The following RBFOX1 variants were observed in gnomAD, a reference collection of about 807,000 sequenced individuals.
RBFOX1 encodes the protein RNA binding protein fox-1 homolog 1.
A neutral mutation model predicts 57.7 loss-of-function variants in RBFOX1; 8 were observed. That is an observed-to-expected ratio of 0.14 (90% CI 0.08 to 0.25). The LOEUF (loss-of-function observed/expected upper bound fraction) is 0.25. Among genes scored for constraint, RBFOX1 ranks in the 10% least tolerant of loss-of-function variants. The probability of loss-of-function intolerance (pLI) is 1.00; values close to 1 mark genes in which losing one functional copy is unlikely to be tolerated. For missense variants in RBFOX1, 611 were observed against 548.5 expected (o/e 1.11, Z -1.14); for synonymous variants, 326 against 222.4 (o/e 1.47, Z -4.15).
chr16:5,893,714 A>G (rs1265055968), intron 4 of RBFOX1, among the ~76,000 whole-genome samples: 3 of 151,954 alleles, frequency 2.0e-5, no homozygotes, highest in African/African-American at 7.3e-5. Context: ...GCTGAGACAT[A>G]AGAATTGCTT....
intron 3 of RBFOX1, among the ~76,000 whole-genome samples, chr16:6,824,426 T>C (rs1055474931): frequency 6.6e-6 from 1 of 152,218 alleles, no homozygotes; most frequent in African/African-American, 2.4e-5. Flanking sequence ...TAAACAGTTA[T>C]CTTACTGTCA....
intron 2 of RBFOX1, among the ~76,000 whole-genome samples, chr16:6,512,775 G>C (rs1204827427): frequency 1.3e-5 from 2 of 152,206 alleles, no homozygotes; most frequent in Admixed American, 1.3e-4. Flanking sequence ...GCAGGAGCAA[G>C]AGGATGGAGT....
At chr16:6,873,894 A>T (rs1040870982) in intron 3 of RBFOX1, 2 of 152,198 alleles carry the variant, frequency 1.3e-5, no homozygotes, top group African/African-American at 4.8e-5. Context: ...TGAAATAGGA[A>T]ACCATTGCTC....
chr16:6,914,476 G>A (rs1287479219), intron 3 of RBFOX1, among the ~76,000 whole-genome samples: 1 of 151,910 alleles, frequency 6.6e-6, no homozygotes, highest in Admixed American at 6.6e-5. Flanking sequence ...AGACCTAGGT[G>A]TCTCACCTCC....
At chr16:6,806,666 C>T (rs536640836) in intron 3 of RBFOX1, among the ~76,000 whole-genome samples, 2 of 151,410 alleles carry the variant, frequency 1.3e-5, no homozygotes, top group East Asian at 3.9e-4. Context: ...ATTATATGCG[C>T]TAAAATGATA....
At chr16:7,597,727 C>T (rs939387865) in intron 9 of RBFOX1, among the ~76,000 whole-genome samples, 1 of 152,184 alleles carries the variant, frequency 6.6e-6, no homozygotes, top group East Asian at 1.9e-4. Context: ...TTGGTTATTA[C>T]AGTAAGTTGA....
chr16:5,615,260 G>GA (rs1567301618), intron 3 of RBFOX1, among the ~76,000 whole-genome samples: 1 of 152,100 alleles, frequency 6.6e-6, no homozygotes, highest in Non-Finnish European at 1.5e-5. Flanking sequence ...CTAATTCCTG[G>GA]ACTCAATTGA....
At chr16:6,107,683 AGGTG>A (rs1463051464) in intron 1 of RBFOX1, among the ~76,000 whole-genome samples, 5 of 93,482 alleles carry the variant, frequency 5.3e-5, no homozygotes, top group African/African-American at 1.7e-4. Context: ...GTGGATGGAT[AGGTG>A]GGTGGGTGGG....
At chr16:5,766,676 C>G (rs895558842) in intron 3 of RBFOX1, among the ~76,000 whole-genome samples, 4 of 152,120 alleles carry the variant, frequency 2.6e-5, no homozygotes, top group Admixed American at 6.5e-5. Flanking sequence ...GGGATCCCCC[C>G]CCAGGACCCA....
chr16:6,142,136 A>G (rs538812031), intron 1 of RBFOX1, among the ~76,000 whole-genome samples: 3 of 149,680 alleles, frequency 2.0e-5, no homozygotes, highest in Non-Finnish European at 4.4e-5. Flanking sequence ...AATTTCTCTA[A>G]AAAATCAGCT....
At chr16:5,297,613 A>G (rs1484740193) in intron 1 of RBFOX1, among the ~76,000 whole-genome samples, 1 of 151,896 alleles carries the variant, frequency 6.6e-6, no homozygotes, top group Non-Finnish European at 1.5e-5. Flanking sequence ...TGAGTTCTTT[A>G]TATGTTTTGG....
chr16:7,413,848 G>T (rs1001731460), intron 4 of RBFOX1, among the ~76,000 whole-genome samples: 2 of 152,068 alleles, frequency 1.3e-5, no homozygotes, highest in Admixed American at 1.3e-4. Flanking sequence ...CCTATAAATT[G>T]AGGTTGATGA....
At chr16:7,009,642 G>A (rs570681194) in intron 3 of RBFOX1, among the ~76,000 whole-genome samples, 13 of 152,246 alleles carry the variant, frequency 8.5e-5, no homozygotes, top group Non-Finnish European at 1.5e-4. Context: ...GAATTCTACC[G>A]TCTGGGCACT....
At chr16:6,693,173 A>G (rs2060481049) in intron 3 of RBFOX1, among the ~76,000 whole-genome samples, 1 of 151,304 alleles carries the variant, frequency 6.6e-6, no homozygotes, top group Non-Finnish European at 1.5e-5. Flanking sequence ...CACCATCATC[A>G]TCACCATCAT....
At chr16:6,267,573 A>G (rs758621043) in intron 1 of RBFOX1, among the ~76,000 whole-genome samples, 1 of 152,148 alleles carries the variant, frequency 6.6e-6, no homozygotes, top group Non-Finnish European at 1.5e-5. Flanking sequence ...TATCTGACAG[A>G]TTTCTTTTTT....
At chr16:5,576,064 G>A (rs1360991446) in intron 2 of RBFOX1, among the ~76,000 whole-genome samples, 1 of 151,918 alleles carries the variant, frequency 6.6e-6, no homozygotes, top group Non-Finnish European at 1.5e-5. Context: ...TTGGCTTACT[G>A]CCACTTCCGT....
At chr16:6,484,089 C>T (rs2095422373) in intron 2 of RBFOX1, among the ~76,000 whole-genome samples, 1 of 152,182 alleles carries the variant, frequency 6.6e-6, no homozygotes, top group Non-Finnish European at 1.5e-5. Flanking sequence ...TAGTGGGCAA[C>T]TTCCTTGCCA....
intron 4 of RBFOX1, among the ~76,000 whole-genome samples, chr16:5,949,772 C>T (rs974375434): frequency 1.3e-5 from 2 of 152,102 alleles, no homozygotes; most frequent in Admixed American, 6.5e-5. Flanking sequence ...TTCATCACCC[C>T]GAATATTCTT....
intron 1 of RBFOX1, among the ~76,000 whole-genome samples, chr16:6,234,358 T>C (rs953070250): frequency 5.9e-5 from 9 of 152,250 alleles, no homozygotes; most frequent in African/African-American, 2.2e-4. Context: ...TTTGTTTATG[T>C]GATTCTTTGA....
Sources: gnomAD v4.1 joint callset for allele counts (sites outside exome capture counted in the v4.1 genomes callset) on GRCh38, gnomAD v4.1.1 for gene constraint, MANE v1.5 for transcripts, NCBI Gene and HGNC (gene_info 2026-07-23, HGNC 2026-07-21) for gene names.